The following TENM3 variants were observed in gnomAD, a reference collection of about 807,000 sequenced individuals.
The protein encoded by TENM3 is teneurin transmembrane protein 3.
Under a neutral mutation model 255.1 loss-of-function variants are expected in TENM3, and 63 were observed. The ratio of observed to expected loss-of-function variants is 0.25; its 90% CI spans 0.20 to 0.30. The LOEUF is 0.30. TENM3 is among the 10% of genes least tolerant of loss of function. The pLI is 1.00. For missense variants in TENM3, 2,929 were observed against 3,461.1 expected (o/e 0.85, Z 3.86); for synonymous variants, 1,306 against 1,322.3 (o/e 0.99, Z 0.27).
the TENM3 span, among the ~76,000 whole-genome samples, chr4:181,859,820 TAACTA>T: frequency 6.6e-6 from 1 of 152,106 alleles, no homozygotes; most frequent in African/African-American, 2.4e-5. Flanking sequence ...CTGAATAACT[TAACTA>T]ATTTACATGA....
At chr4:182,683,467 A>G (rs1322702519) in intron 11 of TENM3, among the ~76,000 whole-genome samples, 3 of 152,164 alleles carry the variant, frequency 2.0e-5, no homozygotes, top group Admixed American at 2.0e-4. Flanking sequence ...AGGGGTATTT[A>G]TTCTGCAAAT....
intron 3 of TENM3, among the ~76,000 whole-genome samples, chr4:182,495,453 G>A (rs189694069): frequency 2.0e-5 from 3 of 151,984 alleles, no homozygotes; most frequent in Admixed American, 6.5e-5. Context: ...AGCTTGTGAC[G>A]TTGAGTAACA....
the TENM3 span, among the ~76,000 whole-genome samples, chr4:181,484,321 T>C: frequency 6.6e-6 from 1 of 152,166 alleles, no homozygotes; most frequent in Admixed American, 6.6e-5. Flanking sequence ...AAAGGAACTC[T>C]TGAGCTGTGA....
At position 182,425,916 on chromosome 4, in the gene TENM3, G is replaced by A. The variant is rs551728889; in HGVS notation, c.511+78987G>A. The stretch of plus-strand genomic sequence containing the variant: ...CCAGCTACTCAGGGGACTGAGGCAG[G>A]AGAATCACTTGAACCCGGGAAGTGG... On this transcript the variant is annotated intron_variant, in intron 3 of 27. Transcript: ENST00000511685. Among the ~76,000 whole-genome samples the A allele has an allele frequency of 1.9e-4, 28 of 150,392 alleles. No homozygotes were observed. In the South Asian group the frequency reaches 5.9e-3, roughly 32 times the overall value.
the TENM3 span, among the ~76,000 whole-genome samples, chr4:181,670,662 A>C: frequency 3.5e-4 from 54 of 152,338 alleles, no homozygotes; most frequent in East Asian, 9.3e-3. Context: ...TAGGTATTAC[A>C]TCAGCAAGTA....
In TENM3 at chr4:182,753,485, G is replaced by A. The variant is rs373093485; in HGVS notation, c.3898G>A (p.Val1300Ile). ...TGATAAGAATGGATTAATCTACTTT[G>A]TTGATGGAACCATGATTAGGAAAGT... ...AVDKNGLIYF[V>I]DGTMIRKVDQ... The change falls in exon 21 of 28, where the codon GTT becomes ATT. Residue 1300 changes from valine (V) to isoleucine (I), a missense_variant. Around this residue, in one of 6 missense-constraint regions of TENM3, gnomAD observed 1,608 missense variants for 1,884.4 expected, o/e 0.85. Coordinates refer to ENST00000511685, the MANE Select transcript of TENM3 (RefSeq NM_001080477.4). 2.8e-5 allele frequency: 45 copies of A among 1,613,720 alleles called. No homozygotes were observed. Among genetic ancestry groups the A allele is most frequent in the South Asian group, 5.5e-5 (5 of 91,064 alleles).
the TENM3 span, among the ~76,000 whole-genome samples, chr4:182,108,580 G>GAGACCTA: frequency 1.3e-5 from 2 of 152,312 alleles, no homozygotes; most frequent in South Asian, 4.1e-4. Context: ...TGGAATGAAT[G>GAGACCTA]AGACCTATTC....
At chr4:181,706,904 T>A in the TENM3 span, among the ~76,000 whole-genome samples, 35 of 152,328 alleles carry the variant, frequency 2.3e-4, no homozygotes, top group African/African-American at 8.2e-4. Flanking sequence ...TGGTTACTGA[T>A]GTCCTGAGCC....
At chr4:182,025,046 T>TTTTTA in the TENM3 span, among the ~76,000 whole-genome samples, 1 of 103,926 alleles carries the variant, frequency 9.6e-6, no homozygotes, top group African/African-American at 3.9e-5. Context: ...TTTTTTTTTT[T>TTTTTA]GAGATGGAGT....
At chr4:182,619,841 T>A (rs564004337) in intron 4 of TENM3, among the ~76,000 whole-genome samples, 2 of 152,336 alleles carry the variant, frequency 1.3e-5, no homozygotes, top group African/African-American at 4.8e-5. Flanking sequence ...GCTGAGGAAC[T>A]GGAGGCAGGC....
the TENM3 span, among the ~76,000 whole-genome samples, chr4:182,089,906 C>T: frequency 6.6e-6 from 1 of 152,120 alleles, no homozygotes; most frequent in South Asian, 2.1e-4. Flanking sequence ...GAGGAAAAGA[C>T]ATAGTTTATT....
the TENM3 span, among the ~76,000 whole-genome samples, chr4:181,536,090 C>A: frequency 6.6e-6 from 1 of 152,138 alleles, no homozygotes; most frequent in African/African-American, 2.4e-5. Context: ...AAACCATCTC[C>A]GACTTGTTTG....
At chr4:182,752,942 A>ATTTTTTTTTTTTTTTTTTTTTT (rs750171665) in intron 20 of TENM3, among the ~76,000 whole-genome samples, 1 of 121,724 alleles carries the variant, frequency 8.2e-6, no homozygotes. Context: ...TCCTTACTGA[A>ATTTTTTTTTTTTTTTTTTTTTT]TTTTTTTTTT....
chr4:181,941,364 T>C, the TENM3 span, among the ~76,000 whole-genome samples: 1 of 152,074 alleles, frequency 6.6e-6, no homozygotes, highest in Admixed American at 6.6e-5. Flanking sequence ...TACTTTTTCA[T>C]TTCACTATGC....
Position 182,800,568 on chromosome 4 carries a change from C to T in TENM3, c.*217C>T. 1 of 525,160 alleles carries T rather than the reference C, an allele frequency of 1.9e-6. No homozygotes were observed. Among genetic ancestry groups the T allele is most frequent in the South Asian group, 2.5e-5 (1 of 39,786 alleles). The allele number at this position is 525,160 out of a possible 1,614,324, so 32.5% of individuals were successfully genotyped here. On this transcript the variant is annotated 3_prime_UTR_variant, in exon 28 of 28. Coordinates refer to ENST00000511685, the MANE Select transcript of TENM3 (RefSeq NM_001080477.4). Reference sequence around the variant, plus strand: ...ATATGTTTACATATGCATAGCGCTGCACTCAGTCGGACTGAACGTAGCCAG... The same window carrying T: ...ATATGTTTACATATGCATAGCGCTGTACTCAGTCGGACTGAACGTAGCCAG...
chr4:182,121,972 A>G, the TENM3 span, among the ~76,000 whole-genome samples: 4 of 152,242 alleles, frequency 2.6e-5, no homozygotes, highest in Non-Finnish European at 5.9e-5. Context: ...AACTAAGTGT[A>G]TGGAATATTG....
chr4:181,591,240 T>A, the TENM3 span, among the ~76,000 whole-genome samples: 2 of 152,206 alleles, frequency 1.3e-5, no homozygotes, highest in Non-Finnish European at 2.9e-5. Context: ...TTGGCAAGAA[T>A]GTGGAATAAC....
At chr4:182,243,734 C>T (rs1757442934) in intron 1 of TENM3, among the ~76,000 whole-genome samples, 1 of 152,086 alleles carries the variant, frequency 6.6e-6, no homozygotes, top group African/African-American at 2.4e-5. Flanking sequence ...GTGAACTATT[C>T]AGCACGTCCT....
At chr4:181,897,400 T>C in the TENM3 span, among the ~76,000 whole-genome samples, 1 of 152,210 alleles carries the variant, frequency 6.6e-6, no homozygotes, top group Non-Finnish European at 1.5e-5. Context: ...TCCTCCATCA[T>C]TCTTGGCTAA....
Sources: gnomAD v4.1 joint callset for allele counts (sites outside exome capture counted in the v4.1 genomes callset) on GRCh38, gnomAD v4.1.1 for gene constraint, gnomAD v4.1.1 regional missense constraint, MANE v1.5 for transcripts, NCBI Gene and HGNC (gene_info 2026-07-23, HGNC 2026-07-21) for gene names.